CACNA2D1: variants seen among roughly 807,000 people sequenced by gnomAD.
CACNA2D1 encodes calcium voltage-gated channel auxiliary subunit alpha2delta 1.
In CACNA2D1, 53 loss-of-function variants were observed where a neutral mutation model predicts 171.5. The observed-to-expected ratio is 0.31, with a 90% CI of 0.25 to 0.39. CACNA2D1 has a LOEUF of 0.39. Ranked by LOEUF, CACNA2D1 falls within the 10% of genes least tolerant of loss-of-function variation. The pLI is 1.00. For synonymous variants in CACNA2D1, 442 were observed against 443.1 expected, an observed-to-expected ratio of 1.00 and a Z score of 0.03; for missense variants, 903 against 1,299.8, an observed-to-expected ratio of 0.69 and a Z score of 4.69.
At chr7:82,140,848 G>A (rs1196492093) in intron 4 of CACNA2D1, among the ~76,000 whole-genome samples, 3 of 151,026 alleles carry the variant, frequency 2.0e-5, no homozygotes, top group African/African-American at 4.9e-5. Context: ...CCAGCTGTTC[G>A]GGAGGCTGAG....
At chr7:82,039,550 A>G (rs960379271) in intron 10 of CACNA2D1, among the ~76,000 whole-genome samples, 3 of 152,180 alleles carry the variant, frequency 2.0e-5, no homozygotes, top group Non-Finnish European at 2.9e-5. Context: ...TTTATCTACG[A>G]AAAAAACTCA....
At chr7:82,348,590 C>G (rs1197409188) in intron 2 of CACNA2D1, among the ~76,000 whole-genome samples, 2 of 152,118 alleles carry the variant, frequency 1.3e-5, no homozygotes, top group African/African-American at 4.8e-5. Context: ...ACACTCTCTA[C>G]AGTTGTTTTA....
At chr7:82,418,370 AGAGTAGAATGCATCTGAAAT>A (rs1828389496) in intron 1 of CACNA2D1, among the ~76,000 whole-genome samples, 1 of 152,206 alleles carries the variant, frequency 6.6e-6, no homozygotes, top group Non-Finnish European at 1.5e-5. Flanking sequence ...TTAGACAATA[AGAGTAGAATGCATCTGAAAT>A]ATTTAAGAGC....
chr7:82,216,187 G>C (rs1037192828), intron 3 of CACNA2D1, among the ~76,000 whole-genome samples: 1 of 152,106 alleles, frequency 6.6e-6, no homozygotes, highest in African/African-American at 2.4e-5. Context: ...GCCTGTGGTA[G>C]AAATAATTTT....
intron 15 of CACNA2D1, among the ~76,000 whole-genome samples, chr7:82,010,316 T>C (rs1799627865): frequency 6.6e-6 from 1 of 151,902 alleles, no homozygotes; most frequent in South Asian, 2.1e-4. Context: ...CACTTTATCA[T>C]CTTCAAAACA....
chr7:82,357,273 A>G (rs556154958), intron 1 of CACNA2D1, among the ~76,000 whole-genome samples: 209 of 152,302 alleles, frequency 1.4e-3, no homozygotes, highest in Non-Finnish European at 2.5e-3. Context: ...CGAAAAAAAT[A>G]TGGTAATCCA....
intron 7 of CACNA2D1, among the ~76,000 whole-genome samples, chr7:82,067,557 T>C (rs1349562843): frequency 6.6e-6 from 1 of 152,142 alleles, no homozygotes; most frequent in Non-Finnish European, 1.5e-5. Flanking sequence ...TAAAAAATGA[T>C]TTATTTGTTC....
chr7:82,066,298 T>G (rs531090941), intron 8 of CACNA2D1, among the ~76,000 whole-genome samples, 157 bp downstream of exon 8: 2 of 152,254 alleles, frequency 1.3e-5, no homozygotes, highest in African/African-American at 4.8e-5. Flanking sequence ...AACTCATCAT[T>G]TTCATTTACC....
intron 34 of CACNA2D1, among the ~76,000 whole-genome samples, chr7:81,963,695 A>G (rs1347648236): frequency 6.6e-6 from 1 of 152,012 alleles, no homozygotes; most frequent in Non-Finnish European, 1.5e-5. Context: ...TGGGATATTA[A>G]AGACAAATTG....
At chr7:82,180,484 T>C (rs1797004656) in intron 3 of CACNA2D1, among the ~76,000 whole-genome samples, 2 of 152,162 alleles carry the variant, frequency 1.3e-5, no homozygotes, top group Admixed American at 6.5e-5. Flanking sequence ...TGTGGTCGGC[T>C]AGCTTATTAG....
rs558278677 is a variant in CACNA2D1, at chr7:82,044,685, A to C, written c.880-6450T>G. On this transcript the variant is annotated intron_variant, in intron 10 of 38. Transcript: ENST00000356860. The stretch of plus-strand genomic sequence containing the variant: ...ATCAGACACTATCCACATTTTGGCC[A>C]CCAGATGGCAATGCAGGAAAATAAA... Among the ~76,000 whole-genome samples, 4 of 152,286 alleles carry C rather than the reference A, an allele frequency of 2.6e-5. No homozygotes were observed. The South Asian group carries it at 8.3e-4, about 32-fold the overall frequency.
chr7:82,100,878 T>C (rs1812599643), intron 6 of CACNA2D1, among the ~76,000 whole-genome samples: 1 of 152,146 alleles, frequency 6.6e-6, no homozygotes, highest in East Asian at 1.9e-4. Flanking sequence ...TAAGTAGAGC[T>C]TAGAAATGTT....
chr7:82,181,040 G>GTTTTTTTT (rs1797073500), intron 3 of CACNA2D1, among the ~76,000 whole-genome samples: 1 of 45,946 alleles, frequency 2.2e-5, no homozygotes, highest in Non-Finnish European at 5.0e-5. Context: ...GGGCATGTCG[G>GTTTTTTTT]ATTTTTTTTT....
intron 3 of CACNA2D1, among the ~76,000 whole-genome samples, chr7:82,260,978 T>C (rs2129331779): frequency 6.6e-6 from 1 of 151,648 alleles, no homozygotes; most frequent in South Asian, 2.1e-4. Flanking sequence ...TTCTTGAGAC[T>C]GAGTCTCACT....
At chr7:82,187,344 G>A (rs1425557551) in intron 3 of CACNA2D1, among the ~76,000 whole-genome samples, 1 of 152,002 alleles carries the variant, frequency 6.6e-6, no homozygotes, top group Non-Finnish European at 1.5e-5. Context: ...AAGCAACACA[G>A]AATCACAAGC....
chr7:82,089,403 G>A (rs1176439107), intron 6 of CACNA2D1, among the ~76,000 whole-genome samples: 2 of 152,068 alleles, frequency 1.3e-5, no homozygotes, highest in African/African-American at 2.4e-5. Flanking sequence ...TAGAAAATTC[G>A]ATTTTGTAAA....
intron 1 of CACNA2D1, among the ~76,000 whole-genome samples, chr7:82,382,118 A>T (rs187962517): frequency 3.9e-4 from 60 of 152,356 alleles, no homozygotes; most frequent in Non-Finnish European, 7.1e-4. Flanking sequence ...TAAGAGAAAT[A>T]AAGTTCAAAT....
At chr7:82,073,218 C>T (rs1456934447) in intron 7 of CACNA2D1, among the ~76,000 whole-genome samples, 1 of 152,154 alleles carries the variant, frequency 6.6e-6, no homozygotes, top group East Asian at 1.9e-4. Context: ...AACAGTAACT[C>T]TATGTTCCTT....
chr7:82,068,769 A>G (rs1807970573), intron 7 of CACNA2D1, among the ~76,000 whole-genome samples: 2 of 151,864 alleles, frequency 1.3e-5, no homozygotes, highest in South Asian at 4.1e-4. Context: ...GGAATTTGAA[A>G]GTTATGTTTC....
Sources: gnomAD v4.1 joint callset for allele counts (sites outside exome capture counted in the v4.1 genomes callset) on GRCh38, gnomAD v4.1.1 for gene constraint, MANE v1.5 for transcripts, NCBI Gene and HGNC (gene_info 2026-07-23, HGNC 2026-07-21) for gene names.